DOCK3: variants seen among roughly 807,000 people sequenced by gnomAD.
DOCK3 encodes dedicator of cytokinesis 3.
In DOCK3, 60 loss-of-function variants were observed where a neutral mutation model predicts 265.6. The ratio of observed to expected loss-of-function variants is 0.23; its 90% CI spans 0.18 to 0.28. The LOEUF is 0.28. Among genes scored for constraint, DOCK3 ranks in the 10% least tolerant of loss-of-function variants. The probability of loss-of-function intolerance (pLI) is 1.00; values close to 1 mark genes in which losing one functional copy is unlikely to be tolerated. For synonymous variants in DOCK3, 881 were observed against 938.0 expected (o/e 0.94, Z 1.11); for missense variants, 1,981 against 2,594.3 (o/e 0.76, Z 5.14).
At chr3:51,116,169 A>G (rs948711997) in intron 9 of DOCK3, among the ~76,000 whole-genome samples, 2 of 152,044 alleles carry the variant, frequency 1.3e-5, no homozygotes, top group African/African-American at 2.4e-5. Flanking sequence ...AGTTTTTTCT[A>G]GGCCAGACGT....
chr3:51,017,225 G>A (rs577363853), intron 5 of DOCK3, among the ~76,000 whole-genome samples: 83 of 150,680 alleles, frequency 5.5e-4, no homozygotes, highest in African/African-American at 1.9e-3. Context: ...CAGTTGTGAT[G>A]TCTCCTTTTT....
chr3:51,208,938 T>C, intron 13 of DOCK3, 76 bp downstream of exon 13: 1 of 1,303,162 alleles, frequency 7.7e-7, no homozygotes, highest in Non-Finnish European at 1.1e-6. Flanking sequence ...GATTGGTTGG[T>C]GCAGATTGGC....
intron 24 of DOCK3, among the ~76,000 whole-genome samples, chr3:51,273,377 T>C (rs775034907): frequency 9.9e-5 from 15 of 152,196 alleles, no homozygotes. Context: ...TGCATCTCAC[T>C]TTCATTGAAT....
chr3:50,964,456 A>G (rs1259635297), intron 5 of DOCK3, among the ~76,000 whole-genome samples: 1 of 152,180 alleles, frequency 6.6e-6, no homozygotes, highest in Non-Finnish European at 1.5e-5. Context: ...TTGAATCTCT[A>G]GAGGGAAAAA....
chr3:51,315,268 C>G, intron 32 of DOCK3, 140 bp downstream of exon 32: 4 of 1,126,146 alleles, frequency 3.6e-6, no homozygotes. Context: ...AGGGTTTTCC[C>G]TTACTTGCTG....
At chr3:51,037,240 A>G (rs2108998827) in intron 5 of DOCK3, among the ~76,000 whole-genome samples, 1 of 152,304 alleles carries the variant, frequency 6.6e-6, no homozygotes, top group Non-Finnish European at 1.5e-5. Context: ...AAACATTAAC[A>G]GTACTTTAGA....
intron 49 of DOCK3, among the ~76,000 whole-genome samples, chr3:51,364,638 T>C (rs1015125821): frequency 1.6e-4 from 25 of 152,346 alleles, no homozygotes; most frequent in African/African-American, 5.8e-4. Flanking sequence ...AAGTCTTTAA[T>C]CCATCTTAAA....
chr3:50,796,832 A>C (rs1247509650), intron 2 of DOCK3, among the ~76,000 whole-genome samples: 1 of 151,938 alleles, frequency 6.6e-6, no homozygotes, highest in Non-Finnish European at 1.5e-5. Flanking sequence ...AATTCAGCCG[A>C]CTGGCTTAGT....
chr3:51,336,526 G>A (rs1409199884), intron 35 of DOCK3, among the ~76,000 whole-genome samples: 3 of 152,162 alleles, frequency 2.0e-5, no homozygotes, highest in Admixed American at 6.5e-5. Context: ...CACTACTCAG[G>A]TGAGCCGGAT....
intron 49 of DOCK3, among the ~76,000 whole-genome samples, chr3:51,363,461 G>A (rs1467695407): frequency 6.6e-6 from 1 of 152,134 alleles, no homozygotes; most frequent in African/African-American, 2.4e-5. Context: ...TCATTATTAT[G>A]AAACCAAAGA....
chr3:51,157,369 C>T (rs1309141959), intron 10 of DOCK3, among the ~76,000 whole-genome samples: 1 of 152,096 alleles, frequency 6.6e-6, no homozygotes, highest in Non-Finnish European at 1.5e-5. Flanking sequence ...CTTCAGCCTC[C>T]CGAGTAGCTG....
chr3:51,354,913 A>G lies in DOCK3; in HGVS notation c.4139A>G (p.Tyr1380Cys). 1 of 1,613,902 alleles carries G rather than the reference A, an allele frequency of 6.2e-7. No individual in the cohort carries two copies. The highest frequency in any genetic ancestry group is 8.5e-7 in the Non-Finnish European group (1 of 1,179,846). Residue 1380 changes from tyrosine (Y) to cysteine (C), a missense_variant, in exon 41 of 53, where the codon TAC (tyrosine) becomes TGC (cysteine). Around this residue, in one of 4 missense-constraint regions of DOCK3, gnomAD observed 1,357 missense variants for 1,866.8 expected, o/e 0.73. Transcript: ENST00000266037. ...GAATACGTGTGCCGTGGCCATGACT[A>G]CGAGAGGCTGGAGGCCTTCCAGCAG... ...NKEYVCRGHD[Y>C]ERLEAFQQRM... is the part of the protein sequence containing the mutation.
intron 35 of DOCK3, among the ~76,000 whole-genome samples, chr3:51,338,061 A>G (rs2084981675): frequency 1.3e-5 from 2 of 152,122 alleles, no homozygotes; most frequent in South Asian, 4.2e-4. Context: ...TAATTCATAT[A>G]CCCTTTTGTG....
intron 19 of DOCK3, among the ~76,000 whole-genome samples, chr3:51,230,810 C>T (rs751622770): frequency 3.3e-4 from 50 of 151,990 alleles, no homozygotes; most frequent in Non-Finnish European, 6.5e-4. Flanking sequence ...CCACCGCGCC[C>T]GACCTATGTA....
At chr3:50,986,430 T>C (rs1317156194) in intron 5 of DOCK3, among the ~76,000 whole-genome samples, 1 of 152,218 alleles carries the variant, frequency 6.6e-6, no homozygotes. Flanking sequence ...CTACTATAAA[T>C]GCTGTGTGTA....
intron 9 of DOCK3, among the ~76,000 whole-genome samples, chr3:51,112,210 T>C (rs1395823478): frequency 6.6e-6 from 1 of 152,136 alleles, no homozygotes; most frequent in Non-Finnish European, 1.5e-5. Context: ...CATTACTGGG[T>C]ACATACCCAG....
Position 51,277,671 on chromosome 3 carries a change from A to C in DOCK3, c.2740A>C (p.Thr914Pro). 1 of 1,606,122 alleles carries C rather than the reference A, an allele frequency of 6.2e-7. No homozygotes were observed. Among genetic ancestry groups the C allele is most frequent in the Non-Finnish European group, 8.5e-7 (1 of 1,176,548 alleles). ...GAGCCTCCTGGACGTGCTCTTGCAG[A>C]CTCTGCTCACCATCATGAGCAAATC... Reference protein sequence around the residue: ...VESLLDVLLQTLLTIMSKSHA... With the variant: ...VESLLDVLLQPLLTIMSKSHA... Residue 914 changes from threonine to proline, a missense_variant, in exon 26 of 53, where the codon ACT becomes CCT. This residue lies in a region of DOCK3 where 1,357 missense variants were observed against 1,866.8 expected (regional missense o/e 0.73). Coordinates refer to ENST00000266037, the MANE Select transcript of DOCK3 (RefSeq NM_004947.5).
chr3:50,923,255 A>C (rs2050595355), intron 4 of DOCK3, among the ~76,000 whole-genome samples: 2 of 152,100 alleles, frequency 1.3e-5, no homozygotes, highest in South Asian at 4.1e-4. Context: ...TTTTTTGTAT[A>C]ATGACTTCTT....
chr3:50,725,043 A>T (rs1403629503), intron 1 of DOCK3, among the ~76,000 whole-genome samples: 15 of 152,106 alleles, frequency 9.9e-5, no homozygotes, highest in Admixed American at 2.6e-4. Flanking sequence ...GTGATGAAAG[A>T]TACCACCTCA....
Sources: gnomAD v4.1 joint callset for allele counts (sites outside exome capture counted in the v4.1 genomes callset) on GRCh38, gnomAD v4.1.1 for gene constraint, gnomAD v4.1.1 regional missense constraint, MANE v1.5 for transcripts, NCBI Gene and HGNC (gene_info 2026-07-23, HGNC 2026-07-21) for gene names.